CTNNA3: variants seen among roughly 807,000 people sequenced by gnomAD.
The protein encoded by CTNNA3 is catenin alpha 3.
A neutral mutation model predicts 95.7 loss-of-function variants in CTNNA3; 76 were observed. That is an observed-to-expected ratio of 0.79 (90% CI 0.66 to 0.96). The LOEUF is 0.96. Ranked by LOEUF, CTNNA3 falls within the 40% of genes least tolerant of loss-of-function variation. The probability of loss-of-function intolerance (pLI) is 0.00; values close to 1 mark genes in which losing one functional copy is unlikely to be tolerated. For synonymous variants in CTNNA3, 431 were observed against 374.4 expected (o/e 1.15, Z -1.74); for missense variants, 1,191 against 1,089.8 (o/e 1.09, Z -1.31).
chr10:66,342,521 T>A (rs2092464307), intron 12 of CTNNA3, among the ~76,000 whole-genome samples: 1 of 152,082 alleles, frequency 6.6e-6, no homozygotes, highest in East Asian at 1.9e-4. Flanking sequence ...AATATTATTA[T>A]CTTCTACATA....
intron 15 of CTNNA3, among the ~76,000 whole-genome samples, chr10:66,035,524 A>G (rs1310083376): frequency 1.4e-5 from 2 of 139,990 alleles, no homozygotes; most frequent in African/African-American, 2.7e-5. Context: ...GTAGGAATAG[A>G]GGGAATGAGG....
At chr10:66,436,201 C>G (rs1436930873) in intron 11 of CTNNA3, among the ~76,000 whole-genome samples, 13 of 152,104 alleles carry the variant, frequency 8.5e-5, no homozygotes, top group Admixed American at 8.5e-4. Context: ...CTGCTCGGAC[C>G]TGAGCTGAGT....
At chr10:66,770,850 A>G (rs1354800913) in intron 8 of CTNNA3, among the ~76,000 whole-genome samples, 1 of 4,020 alleles carries the variant, frequency 2.5e-4, no homozygotes, top group Non-Finnish European at 3.6e-4. Flanking sequence ...AATTTTAATA[A>G]ATTAACAGTA....
intron 3 of CTNNA3, among the ~76,000 whole-genome samples, chr10:67,592,180 C>T (rs2133349002): frequency 6.6e-6 from 1 of 152,244 alleles, no homozygotes; most frequent in African/African-American, 2.4e-5. Flanking sequence ...CAGACTCAGC[C>T]TCACAGCCTT....
chr10:66,055,975 T>A (rs541597142), intron 15 of CTNNA3, among the ~76,000 whole-genome samples: 20 of 147,446 alleles, frequency 1.4e-4, no homozygotes, highest in Middle Eastern at 3.6e-3. Flanking sequence ...CAAGCAAGGA[T>A]AATTTGACTC....
At chr10:66,086,560 A>AAC in intron 14 of CTNNA3, among the ~76,000 whole-genome samples, 2 of 152,246 alleles carry the variant, frequency 1.3e-5, no homozygotes, top group Admixed American at 1.3e-4. Flanking sequence ...AGGGCAATAA[A>AAC]ACACACACGT....
At chr10:67,243,221 T>C (rs539148760) in intron 5 of CTNNA3, among the ~76,000 whole-genome samples, 278 of 152,224 alleles carry the variant, frequency 1.8e-3, no homozygotes, top group South Asian at 0.013. Flanking sequence ...GCCCTAATAT[T>C]CAGCTGATCA....
At chr10:67,549,710 T>G (rs1265305475) in intron 3 of CTNNA3, among the ~76,000 whole-genome samples, 2 of 152,144 alleles carry the variant, frequency 1.3e-5, no homozygotes, top group Admixed American at 6.5e-5. Context: ...TTTTTAAAGG[T>G]TGGGAAAAAA....
chr10:67,706,911 G>A (rs1406444642), intron 1 of CTNNA3, among the ~76,000 whole-genome samples: 3 of 152,076 alleles, frequency 2.0e-5, no homozygotes, highest in Non-Finnish European at 4.4e-5. Context: ...AACTTGATAT[G>A]TCCCAAAAAG....
At chr10:66,029,299 A>T (rs529207582) in intron 15 of CTNNA3, among the ~76,000 whole-genome samples, 23 of 152,236 alleles carry the variant, frequency 1.5e-4, no homozygotes, top group Non-Finnish European at 3.4e-4. Context: ...CCTGAAATAG[A>T]GGAAAAGTGA....
intron 7 of CTNNA3, among the ~76,000 whole-genome samples, chr10:67,169,102 C>G (rs1308404598): frequency 6.6e-6 from 1 of 151,992 alleles, no homozygotes; most frequent in African/African-American, 2.4e-5. Flanking sequence ...ATCTCTATAA[C>G]AAGAATTACA....
At chr10:66,584,797 T>C (rs1295868525) in intron 10 of CTNNA3, among the ~76,000 whole-genome samples, 2 of 152,064 alleles carry the variant, frequency 1.3e-5, no homozygotes, top group African/African-American at 4.8e-5. Flanking sequence ...TTTTATGCTT[T>C]CAGGAGTATT....
chr10:66,990,415 C>A (rs540244593), intron 7 of CTNNA3, among the ~76,000 whole-genome samples: 60 of 152,224 alleles, frequency 3.9e-4, no homozygotes, highest in Non-Finnish European at 6.8e-4. Context: ...TTCAACCCAC[C>A]CATTATTGAA....
chr10:66,142,203 C>A (rs549146877), intron 13 of CTNNA3, among the ~76,000 whole-genome samples: 2 of 152,144 alleles, frequency 1.3e-5, no homozygotes, highest in East Asian at 3.9e-4. Context: ...TGTCTAAATT[C>A]TTTTCATTTG....
chr10:67,632,715 G>A (rs1165210805), intron 2 of CTNNA3, among the ~76,000 whole-genome samples: 1 of 152,086 alleles, frequency 6.6e-6, no homozygotes, highest in Non-Finnish European at 1.5e-5. Context: ...ACACCACCAG[G>A]GCGTTGGGTC....
At chr10:66,176,902 T>C (rs780239181) in intron 13 of CTNNA3, among the ~76,000 whole-genome samples, 6 of 151,984 alleles carry the variant, frequency 3.9e-5, no homozygotes, top group Non-Finnish European at 7.4e-5. Flanking sequence ...GACCTCATGA[T>C]TGTGAAATAT....
intron 8 of CTNNA3, among the ~76,000 whole-genome samples, chr10:66,771,576 G>A (rs1472654053): frequency 6.6e-6 from 1 of 152,200 alleles, no homozygotes; most frequent in Non-Finnish European, 1.5e-5. Context: ...AGCCCCTGGT[G>A]TGGTGATTAC....
At chr10:67,233,063 G>A (rs1336981552) in intron 5 of CTNNA3, among the ~76,000 whole-genome samples, 2 of 152,156 alleles carry the variant, frequency 1.3e-5, no homozygotes, top group East Asian at 1.9e-4. Flanking sequence ...ATAATAATGC[G>A]AGACTTTAAC....
chr10:67,269,657 A>T (rs1838875020), intron 5 of CTNNA3, among the ~76,000 whole-genome samples: 3 of 152,156 alleles, frequency 2.0e-5, no homozygotes, highest in Non-Finnish European at 4.4e-5. Context: ...CCTCCAAAAA[A>T]ATGCAAATAA....
Sources: gnomAD v4.1 joint callset for allele counts (sites outside exome capture counted in the v4.1 genomes callset) on GRCh38, gnomAD v4.1.1 for gene constraint, MANE v1.5 for transcripts, NCBI Gene and HGNC (gene_info 2026-07-23, HGNC 2026-07-21) for gene names.